SEMA3D: variants seen among roughly 807,000 people sequenced by gnomAD.
SEMA3D encodes semaphorin-3D.
Under a neutral mutation model 100.1 loss-of-function variants are expected in SEMA3D, and 84 were observed. The ratio of observed to expected loss-of-function variants is 0.84; its 90% CI spans 0.70 to 1.01. The LOEUF (loss-of-function observed/expected upper bound fraction) is 1.01. Ranked by LOEUF, SEMA3D falls within the 50% of genes least tolerant of loss-of-function variation. The pLI, the probability that SEMA3D is intolerant of heterozygous loss-of-function variation, is 0.00. For synonymous variants in SEMA3D, 312 were observed against 320.7 expected, an observed-to-expected ratio of 0.97 and a Z score of 0.29; for missense variants, 875 against 934.1, an observed-to-expected ratio of 0.94 and a Z score of 0.82.
At chr7:85,031,844 TA>T (rs1323677599) in intron 12 of SEMA3D, among the ~76,000 whole-genome samples, 1 of 151,976 alleles carries the variant, frequency 6.6e-6, no homozygotes, top group East Asian at 1.9e-4. Context: ...GATAGAATCA[TA>T]ACTTTATATA....
intron 8 of SEMA3D, among the ~76,000 whole-genome samples, chr7:85,062,270 G>C (rs143428818): frequency 9.2e-5 from 14 of 152,204 alleles, no homozygotes; most frequent in African/African-American, 3.4e-4. Flanking sequence ...GCCAAAGATA[G>C]GACTAGCATG....
intron 1 of SEMA3D, among the ~76,000 whole-genome samples, chr7:85,175,927 C>G (rs1401345256): frequency 1.3e-5 from 2 of 151,964 alleles, no homozygotes; most frequent in Non-Finnish European, 2.9e-5. Flanking sequence ...AAAGAATTCA[C>G]TCTCTGGTGT....
intron 11 of SEMA3D, among the ~76,000 whole-genome samples, chr7:85,039,814 A>G (rs1166874916): frequency 6.6e-6 from 1 of 152,160 alleles, no homozygotes; most frequent in African/African-American, 2.4e-5. Context: ...ATAATAGGAC[A>G]GCATGTGATG....
At chr7:85,183,404 A>T (rs574511745) in intron 1 of SEMA3D, among the ~76,000 whole-genome samples, 1 of 152,324 alleles carries the variant, frequency 6.6e-6, no homozygotes, top group East Asian at 1.9e-4. Context: ...AATATGTGAG[A>T]GTAAATCAGC....
At chr7:85,072,893 T>C (rs1791814581) in intron 6 of SEMA3D, 69 bp downstream of exon 6, 1 of 1,307,826 alleles carries the variant, frequency 7.6e-7, no homozygotes, top group African/African-American at 1.5e-5. Context: ...CTGCCTGTTT[T>C]ATGTCATAGG....
At position 85,121,902 on chromosome 7, in the gene SEMA3D, A is replaced by G. The variant is rs547891240; in HGVS notation, c.-11T>C. ...TTTATTAGCATTCATGATGAAAACA[A>G]TGTTCTCTTTCAAATGGTGTTAATT... is the stretch of plus-strand genomic sequence containing the variant. On this transcript the variant is annotated 5_prime_UTR_variant, in exon 3 of 19. Transcript: ENST00000284136. The G allele has an allele frequency of 2.6e-6, 4 of 1,543,172 alleles. No individual in the cohort carries two copies. The African/African-American group carries it at 5.6e-5, about 21-fold the overall frequency.
In SEMA3D at chr7:84,998,460, A is replaced by G. The variant is rs1206218272; in HGVS notation, c.*980T>C. 6.6e-6 allele frequency: 1 copy of G among 152,058 alleles called. No individual in the cohort carries two copies. The highest frequency in any genetic ancestry group is 2.4e-5 in the African/African-American group (1 of 41,424). 9.4% of individuals were successfully genotyped at this position (152,058 alleles called of 1,614,324 possible). On this transcript the variant is annotated 3_prime_UTR_variant, in exon 19 of 19. Coordinates refer to ENST00000284136, the MANE Select transcript of SEMA3D (RefSeq NM_001384900.1). ...TAATCTAGATTTTTTTTAACAGATG[A>G]ATTACAAATTGGCAGCTACTTATAC...
At chr7:85,233,616 C>T in the SEMA3D span, among the ~76,000 whole-genome samples, 14 of 152,256 alleles carry the variant, frequency 9.2e-5, no homozygotes, top group African/African-American at 2.9e-4. Context: ...CCTGCCCTCC[C>T]GTACTTTGTT....
At chr7:85,055,684 A>G in intron 9 of SEMA3D, 33 bp downstream of exon 9, 7 of 331,748 alleles carry the variant, frequency 2.1e-5, no homozygotes, top group South Asian at 6.0e-5. Context: ...ATATATATAT[A>G]TGTTTTAAGT....
chr7:85,220,667 T>C, the SEMA3D span, among the ~76,000 whole-genome samples: 3 of 152,124 alleles, frequency 2.0e-5, no homozygotes, highest in Non-Finnish European at 4.4e-5. Flanking sequence ...ATATATGTTA[T>C]GGGCTTTATC....
chr7:85,166,107 A>G (rs1316085513), intron 1 of SEMA3D, among the ~76,000 whole-genome samples: 2 of 152,010 alleles, frequency 1.3e-5, no homozygotes, highest in Non-Finnish European at 2.9e-5. Flanking sequence ...GCTTGGAATG[A>G]TACTGTTCTT....
intron 2 of SEMA3D, among the ~76,000 whole-genome samples, chr7:85,135,841 G>A (rs939737006): frequency 2.0e-5 from 3 of 150,366 alleles, no homozygotes; most frequent in African/African-American, 4.9e-5. Flanking sequence ...TTACTATCAC[G>A]TTTCTACTTC....
chr7:85,048,666 C>T (rs1048888088), intron 9 of SEMA3D, among the ~76,000 whole-genome samples: 2 of 151,752 alleles, frequency 1.3e-5, no homozygotes, highest in Admixed American at 1.3e-4. Context: ...ACTTGCAATG[C>T]CATAACTATG....
intron 2 of SEMA3D, chr7:85,140,288 T>C (rs1790008698): frequency 4.1e-6 from 4 of 978,474 alleles, no homozygotes; most frequent in South Asian, 4.7e-5. Context: ...TCCTCAAATA[T>C]GCAAAACTTT....
At chr7:85,191,907 G>C (rs1442573535), upstream of SEMA3D, among the ~76,000 whole-genome samples, 2 of 152,100 alleles carry the variant, frequency 1.3e-5, no homozygotes, top group Non-Finnish European at 2.9e-5. Context: ...GTTTTGGATA[G>C]ACTTAAACCA....
At chr7:85,044,733 AG>A (rs1435896104) in intron 9 of SEMA3D, among the ~76,000 whole-genome samples, 1 of 152,146 alleles carries the variant, frequency 6.6e-6, no homozygotes, top group Non-Finnish European at 1.5e-5. Flanking sequence ...ATAGATACAC[AG>A]TAGTAAACCA....
At chr7:85,132,920 A>T (rs896298400) in intron 2 of SEMA3D, among the ~76,000 whole-genome samples, 9 of 151,928 alleles carry the variant, frequency 5.9e-5, no homozygotes, top group Non-Finnish European at 1.3e-4. Flanking sequence ...CTTAATACGT[A>T]TAAGGGAGTA....
chr7:85,142,674 ATTT>A (rs58949011), intron 2 of SEMA3D: 40,544 of 889,552 alleles, frequency 0.046, 4 homozygotes, highest in Non-Finnish European at 0.049. Flanking sequence ...GAAGGATGGC[ATTT>A]TTTTTTTTTT....
chr7:85,053,116 A>T (rs1468047424), intron 9 of SEMA3D, among the ~76,000 whole-genome samples: 1 of 152,028 alleles, frequency 6.6e-6, no homozygotes, highest in Non-Finnish European at 1.5e-5. Flanking sequence ...GAACAAATGA[A>T]CTATAACAGC....
Sources: gnomAD v4.1 joint callset for allele counts (sites outside exome capture counted in the v4.1 genomes callset) on GRCh38, gnomAD v4.1.1 for gene constraint, MANE v1.5 for transcripts, NCBI Gene and HGNC (gene_info 2026-07-23, HGNC 2026-07-21) for gene names.